The following ATG10 variants were observed in gnomAD, a reference collection of about 807,000 sequenced individuals.
ATG10 encodes the protein autophagy related 10.
Under a neutral mutation model 32.1 loss-of-function variants are expected in ATG10, and 30 were observed. The observed-to-expected ratio is 0.94, with a 90% CI of 0.70 to 1.27. ATG10 has a LOEUF of 1.27. Ranked by LOEUF, ATG10 falls within the 50% of genes most tolerant of loss-of-function variation. The pLI is 0.00. For synonymous variants in ATG10, 87 were observed against 91.5 expected (o/e 0.95, Z 0.28); for missense variants, 233 against 262.3 (o/e 0.89, Z 0.77).
In ATG10 at chr5:82,037,234, CTTTTTTTTTTTTT is replaced by C. The variant is rs1166784267; in HGVS notation, c.109-21242_109-21230del. ...ACTTTTTGTAATAAGATCTCATTTA[CTTTTTTTTTTTTT>C]TTTTTTTTTTTTTTTTTTGAGACGG... On this transcript the variant is annotated intron_variant, in intron 2 of 7. Coordinates refer to ENST00000282185, the MANE Select transcript of ATG10 (RefSeq NM_031482.5). 8.4e-4 allele frequency among the ~76,000 whole-genome samples: 31 copies of C among 36,946 alleles called. No homozygotes were observed. The East Asian group carries it at 0.015, about 18-fold the overall frequency. 24.2% of individuals were successfully genotyped at this position (36,946 alleles called of 152,430 possible).
intron 4 of ATG10, among the ~76,000 whole-genome samples, chr5:82,166,740 A>T (rs1743599248): frequency 6.6e-6 from 1 of 152,008 alleles, no homozygotes; most frequent in African/African-American, 2.4e-5. Flanking sequence ...CTCTTATTCC[A>T]GGCCCGGATT....
At chr5:82,068,126 A>C (rs180995052) in intron 3 of ATG10, among the ~76,000 whole-genome samples, 52 of 152,266 alleles carry the variant, frequency 3.4e-4, no homozygotes, top group African/African-American at 1.1e-3. Flanking sequence ...GATGCTTTTC[A>C]TAGCAAAGAC....
intron 2 of ATG10, among the ~76,000 whole-genome samples, chr5:82,006,817 G>C (rs1031568517): frequency 6.6e-6 from 1 of 151,996 alleles, no homozygotes; most frequent in African/African-American, 2.4e-5. Flanking sequence ...GATTACTCTA[G>C]TTATCTCAGG....
intron 3 of ATG10, among the ~76,000 whole-genome samples, chr5:82,153,276 C>T (rs940365766): frequency 2.0e-5 from 3 of 152,058 alleles, no homozygotes; most frequent in Non-Finnish European, 4.4e-5. Context: ...GCTCAGTGAA[C>T]GTTAGTTAGT....
chr5:82,161,412 C>T (rs1166538251), intron 3 of ATG10, among the ~76,000 whole-genome samples: 2 of 152,070 alleles, frequency 1.3e-5, no homozygotes, highest in African/African-American at 4.8e-5. Flanking sequence ...ATTTCTTGAG[C>T]CTCCTACCTG....
Position 81,987,593 on chromosome 5 carries a change from G to A in ATG10, c.23G>A (p.Gly8Glu). The change falls in exon 2 of 8, where the codon GGA becomes GAA. Residue 8 changes from glycine (G) to glutamate (E), a missense_variant. Transcript: ENST00000282185. The stretch of plus-strand genomic sequence containing the variant: ...AACATGGAAGAAGATGAGTTCATTG[G>A]AGAAAAAACATTCCAACGTTATTGT... MEEDEFI[G>E]EKTFQRYCAE... 6.2e-7 allele frequency: 1 copy of A among 1,611,210 alleles called. No individual in the cohort carries two copies. Among genetic ancestry groups the A allele is most frequent in the Non-Finnish European group, 8.5e-7 (1 of 1,178,858 alleles).
intron 5 of ATG10, among the ~76,000 whole-genome samples, chr5:82,207,033 T>C (rs1178900119): frequency 6.6e-6 from 1 of 152,212 alleles, no homozygotes; most frequent in Non-Finnish European, 1.5e-5. Flanking sequence ...CAGTATTTGA[T>C]TTTATGACTA....
At chr5:82,010,910 A>G (rs1227257702) in intron 2 of ATG10, among the ~76,000 whole-genome samples, 1 of 152,138 alleles carries the variant, frequency 6.6e-6, no homozygotes, top group Non-Finnish European at 1.5e-5. Context: ...GGACAGTCTT[A>G]TTTTCTTTAT....
intron 3 of ATG10, among the ~76,000 whole-genome samples, chr5:82,150,006 T>C (rs569828473): frequency 6.6e-6 from 1 of 150,806 alleles, no homozygotes; most frequent in South Asian, 2.1e-4. Flanking sequence ...CAACTTTTAA[T>C]CCATTAAAAA....
chr5:82,189,310 TA>T (rs1251473548), intron 5 of ATG10, among the ~76,000 whole-genome samples: 3 of 152,226 alleles, frequency 2.0e-5, no homozygotes, highest in Non-Finnish European at 2.9e-5. Context: ...GAGAGCCAAT[TA>T]AATACATTGC....
intron 2 of ATG10, among the ~76,000 whole-genome samples, chr5:82,040,736 C>G (rs976766548): frequency 1.3e-5 from 2 of 152,128 alleles, no homozygotes; most frequent in African/African-American, 4.8e-5. Context: ...AAGAAAAAAG[C>G]AATAAGTGTT....
chr5:82,118,384 G>GTATATATATATATATATATATATA (rs1347264600), intron 3 of ATG10, among the ~76,000 whole-genome samples: 7 of 18,770 alleles, frequency 3.7e-4, no homozygotes, highest in Admixed American at 1.3e-3. Context: ...TATAATATAT[G>GTATATATATATATATATATATATA]TACATATATA....
At chr5:82,011,333 G>A (rs371236311) in intron 2 of ATG10, among the ~76,000 whole-genome samples, 2 of 152,078 alleles carry the variant, frequency 1.3e-5, no homozygotes, top group East Asian at 3.8e-4. Flanking sequence ...AATCTCTCAA[G>A]TTGGCTTACC....
At chr5:82,068,084 T>C (rs1458663187) in intron 3 of ATG10, among the ~76,000 whole-genome samples, 1 of 152,150 alleles carries the variant, frequency 6.6e-6, no homozygotes, top group Admixed American at 6.6e-5. Context: ...GCCCTAATTA[T>C]ACATTTTCCC....
At position 82,133,843 on chromosome 5, in the gene ATG10, T is replaced by C. The variant is rs1478276047; in HGVS notation, c.217-30556T>C. Among the ~76,000 whole-genome samples the C allele has an allele frequency of 1.3e-5, 2 of 152,146 alleles. 1 individual carries two copies. The highest frequency in any genetic ancestry group is 3.9e-4 in the East Asian group (2 of 5,158). ...CCATTTTCACGATACTGATTCTAAC[T>C]ATCCATGAGCATGGAATGTTTTTCC... On this transcript the variant is annotated intron_variant, in intron 3 of 7. Coordinates refer to ENST00000282185, the MANE Select transcript of ATG10 (RefSeq NM_031482.5).
At chr5:82,125,587 T>C (rs1360709290) in intron 3 of ATG10, among the ~76,000 whole-genome samples, 2 of 152,138 alleles carry the variant, frequency 1.3e-5, no homozygotes, top group African/African-American at 4.8e-5. Context: ...TGGTTGTAGA[T>C]GTGTGGTGTT....
At chr5:82,236,091 C>CA (rs747876799) in intron 5 of ATG10, among the ~76,000 whole-genome samples, 12 of 152,180 alleles carry the variant, frequency 7.9e-5, no homozygotes, top group Non-Finnish European at 1.8e-4. Context: ...TTATAAAACG[C>CA]AACAAGTGCT....
At chr5:82,047,509 T>A (rs924042381) in intron 2 of ATG10, among the ~76,000 whole-genome samples, 15 of 152,188 alleles carry the variant, frequency 9.9e-5, no homozygotes, top group African/African-American at 3.6e-4. Flanking sequence ...AATAATTCTT[T>A]AAAAACTTGC....
At chr5:82,150,773 C>A (rs1449995054) in intron 3 of ATG10, among the ~76,000 whole-genome samples, 1 of 152,186 alleles carries the variant, frequency 6.6e-6, no homozygotes, top group Non-Finnish European at 1.5e-5. Flanking sequence ...TGTCACTGCC[C>A]CACAGACTGC....
Sources: gnomAD v4.1 joint callset for allele counts (sites outside exome capture counted in the v4.1 genomes callset) on GRCh38, gnomAD v4.1.1 for gene constraint, MANE v1.5 for transcripts, NCBI Gene and HGNC (gene_info 2026-07-23, HGNC 2026-07-21) for gene names.